Variants in ADAMTSL1 observed in about 807,000 individuals in gnomAD.
ADAMTSL1 encodes the protein ADAMTS-like protein 1.
In ADAMTSL1, 126 loss-of-function variants were observed where a neutral mutation model predicts 201.8. That is an observed-to-expected ratio of 0.62 (90% CI 0.54 to 0.72). The LOEUF (loss-of-function observed/expected upper bound fraction) is 0.72. Ranked by LOEUF, ADAMTSL1 falls within the 30% of genes least tolerant of loss-of-function variation. The pLI is 0.00. For missense variants in ADAMTSL1, 2,679 were observed against 2,277.8 expected, an observed-to-expected ratio of 1.18 and a Z score of -3.59; for synonymous variants, 1,121 against 903.4, an observed-to-expected ratio of 1.24 and a Z score of -4.32.
intron 1 of ADAMTSL1, among the ~76,000 whole-genome samples, chr9:18,006,168 T>C (rs143322887): frequency 4.5e-4 from 69 of 152,064 alleles, no homozygotes; most frequent in Non-Finnish European, 8.7e-4. Context: ...GAATGTGATA[T>C]CACTGAGTGT....
At chr9:18,766,878 C>A (rs534867761) in intron 16 of ADAMTSL1, among the ~76,000 whole-genome samples, 1 of 152,240 alleles carries the variant, frequency 6.6e-6, no homozygotes, top group African/African-American at 2.4e-5. Context: ...AGGGAGGACA[C>A]AGACATTCAG....
intron 2 of ADAMTSL1, among the ~76,000 whole-genome samples, chr9:18,451,465 CAGAAG>C (rs1392132497): frequency 2.0e-5 from 3 of 152,302 alleles, no homozygotes; most frequent in African/African-American, 4.8e-5. Flanking sequence ...TGTGAATGGA[CAGAAG>C]AGAAGAATTG....
At chr9:18,147,154 A>G (rs1159124659) in intron 1 of ADAMTSL1, among the ~76,000 whole-genome samples, 1 of 152,142 alleles carries the variant, frequency 6.6e-6, no homozygotes, top group East Asian at 1.9e-4. Context: ...TAACCTCTGA[A>G]ACTTAGTTTG....
At chr9:18,785,831 C>T (rs1451441075) in intron 19 of ADAMTSL1, among the ~76,000 whole-genome samples, 2 of 152,200 alleles carry the variant, frequency 1.3e-5, no homozygotes, top group African/African-American at 2.4e-5. Flanking sequence ...TGCTGACTTC[C>T]TTGTAGAAGA....
intron 19 of ADAMTSL1, among the ~76,000 whole-genome samples, chr9:18,782,882 G>C (rs1374863840): frequency 1.3e-5 from 2 of 152,216 alleles, no homozygotes; most frequent in African/African-American, 2.4e-5. Flanking sequence ...AAGTCCATTT[G>C]GCTGTAGTAA....
intron 2 of ADAMTSL1, among the ~76,000 whole-genome samples, chr9:18,355,865 A>T (rs1345293998): frequency 6.6e-6 from 1 of 152,126 alleles, no homozygotes; most frequent in African/African-American, 2.4e-5. Context: ...ACTGTTAATT[A>T]ACCAGGCATG....
At chr9:18,250,409 G>T (rs1333307602) in intron 2 of ADAMTSL1, among the ~76,000 whole-genome samples, 2 of 152,178 alleles carry the variant, frequency 1.3e-5, no homozygotes, top group Non-Finnish European at 2.9e-5. Flanking sequence ...TGAGGACTGT[G>T]GTTCTCTTGA....
chr9:18,635,927 C>G lies in ADAMTSL1; in HGVS notation c.602-16C>G, dbSNP rs368045465. The G allele has an allele frequency of 2.5e-6, 4 of 1,590,854 alleles. No homozygotes were observed. Among genetic ancestry groups the G allele is most frequent in the Non-Finnish European group, 2.6e-6 (3 of 1,173,704 alleles). The stretch of plus-strand genomic sequence containing the variant: ...CAAGTGACATGCTTTTAAGATTTTG[C>G]TTTGTTTCTCTCTAGCGGATGATAC... On this transcript the variant is annotated splice_polypyrimidine_tract_variant and intron_variant, in intron 5 of 28. Transcript: ENST00000380548.
chr9:18,587,318 A>C (rs1396806472), intron 4 of ADAMTSL1, among the ~76,000 whole-genome samples: 1 of 152,198 alleles, frequency 6.6e-6, no homozygotes, highest in African/African-American at 2.4e-5. Context: ...ACATTTCAAA[A>C]GATGACATAC....
intron 1 of ADAMTSL1, among the ~76,000 whole-genome samples, chr9:18,002,028 A>G (rs1819631751): frequency 6.6e-6 from 1 of 151,942 alleles, no homozygotes; most frequent in Non-Finnish European, 1.5e-5. Context: ...AGGACTGTGG[A>G]GGGAGGGCTG....
At chr9:18,524,003 A>C (rs965214098) in intron 2 of ADAMTSL1, among the ~76,000 whole-genome samples, 10 of 144,676 alleles carry the variant, frequency 6.9e-5, no homozygotes, top group South Asian at 6.8e-4. Context: ...CTTGATGGGG[A>C]TGGCATTGAA....
chr9:17,922,264 CT>C (rs1393425187), intron 1 of ADAMTSL1, among the ~76,000 whole-genome samples: 1 of 152,076 alleles, frequency 6.6e-6, no homozygotes, highest in Non-Finnish European at 1.5e-5. Flanking sequence ...CTACATATTT[CT>C]TTTCAGTTCT....
intron 2 of ADAMTSL1, among the ~76,000 whole-genome samples, chr9:18,268,636 A>G (rs1832232662): frequency 6.6e-6 from 1 of 152,156 alleles, no homozygotes. Flanking sequence ...AGAGAAAAAG[A>G]GAAAGAGAGA....
rs374269614 is a variant in ADAMTSL1, at chr9:18,772,249, A to G, written c.2397+1468A>G. 7.9e-5 allele frequency among the ~76,000 whole-genome samples: 12 copies of G among 152,318 alleles called. 1 individual carries two copies. Among genetic ancestry groups the G allele is most frequent in the Admixed American group, 2.6e-4 (4 of 15,300 alleles). Reference sequence around the variant, plus strand: ...TAAAAGGAATTGCTCCCCTAAATCTATCAGGTAATAGTCTGTCATGAGTGG... The same window carrying G: ...TAAAAGGAATTGCTCCCCTAAATCTGTCAGGTAATAGTCTGTCATGAGTGG... On this transcript the variant is annotated intron_variant, in intron 17 of 28. Transcript: ENST00000380548.
rs1159972000 is a variant in ADAMTSL1 at position 18,276,994 on chromosome 9, C to T, written c.207+113013C>T. ...GATTTTTAAATTTCCCTTTTAATTT[C>T]TTCTTTGACCGATTGGCTATTCAAG... On this transcript the variant is annotated intron_variant, in intron 2 of 29. Transcript: ENST00000680146. Among the ~76,000 whole-genome samples, 14 of 152,118 alleles carry T rather than the reference C, an allele frequency of 9.2e-5. No homozygotes were observed. In the East Asian group the frequency reaches 2.3e-3, roughly 25 times the overall value.
chr9:18,002,439 G>A (rs1430211660), intron 1 of ADAMTSL1, among the ~76,000 whole-genome samples: 6 of 152,010 alleles, frequency 3.9e-5, no homozygotes, highest in Non-Finnish European at 8.8e-5. Flanking sequence ...GATAGATAGT[G>A]TAATATATGT....
At chr9:18,848,895 T>A (rs1243931449) in intron 23 of ADAMTSL1, among the ~76,000 whole-genome samples, 1 of 152,226 alleles carries the variant, frequency 6.6e-6, no homozygotes, top group African/African-American at 2.4e-5. Context: ...GGCCATTCCC[T>A]TTGATAATAT....
Position 18,521,954 on chromosome 9 carries a change from C to A in ADAMTSL1, c.192-11293C>A, listed in dbSNP as rs534909282. Among the ~76,000 whole-genome samples the A allele has an allele frequency of 1.8e-3, 267 of 152,258 alleles. 1 individual carries two copies. Among genetic ancestry groups the A allele is most frequent in the African/African-American group, 6.2e-3 (256 of 41,558 alleles). Reference sequence around the variant, plus strand: ...AGTAACCATCTCTTATGCACAGACTCCAGTTCTAGTCCCTGGGTGTTCAGC... The same window carrying A: ...AGTAACCATCTCTTATGCACAGACTACAGTTCTAGTCCCTGGGTGTTCAGC... On this transcript the variant is annotated intron_variant, in intron 2 of 28. Transcript: ENST00000380548.
intron 2 of ADAMTSL1, among the ~76,000 whole-genome samples, chr9:18,292,006 G>A (rs76459203): frequency 0.016 from 2,443 of 152,130 alleles, 75 homozygotes; most frequent in African/African-American, 0.056. Flanking sequence ...TGGTAGCCCA[G>A]GGAAACCAGA....
Sources: allele counts gnomAD v4.1 joint callset (sites outside exome capture counted in the v4.1 genomes callset), GRCh38; gene constraint gnomAD v4.1.1; transcripts MANE v1.5; gene names NCBI Gene and HGNC (gene_info 2026-07-23, HGNC 2026-07-21).